DNMT3A: variants seen among roughly 807,000 people sequenced by gnomAD.
DNMT3A encodes DNA methyltransferase 3 alpha.
Under a neutral mutation model 117.6 loss-of-function variants are expected in DNMT3A, and 267 were observed. The ratio of observed to expected loss-of-function variants is 2.27; its 90% CI spans 2.05 to 2.51. The LOEUF is 2.51. DNMT3A is among the 30% of genes most tolerant of loss of function. The pLI, the probability that DNMT3A is intolerant of heterozygous loss-of-function variation, is 0.00. For synonymous variants in DNMT3A, 432 were observed against 474.8 expected (o/e 0.91, Z 1.17); for missense variants, 1,029 against 1,260.2 (o/e 0.82, Z 2.78).
Position 25,281,861 on chromosome 2 carries a change from C to T in DNMT3A, c.448+580G>A. The T allele has an allele frequency of 9.3e-7, 1 of 1,070,068 alleles. No individual in the cohort carries two copies. The highest frequency in any genetic ancestry group is 1.1e-6 in the Non-Finnish European group (1 of 882,122). The allele number at this position is 1,070,068 out of a possible 1,614,324, so 66.3% of individuals were successfully genotyped here. A position where few individuals can be genotyped will look rare whatever the true frequency, so the allele number is the denominator to read the frequency against. ...ACAGAATACAATCACCCAGCCCTCT[C>T]CCCACGCCACTGTCACAACCAAATT... On this transcript the variant is annotated intron_variant, in intron 4 of 22. Coordinates refer to ENST00000321117, the MANE Select transcript of DNMT3A (RefSeq NM_022552.5). The surrounding 1 kb of genome is among the most constrained non-coding windows in gnomAD (Gnocchi z 4.8).
intron 1 of DNMT3A, among the ~76,000 whole-genome samples, chr2:25,323,176 GC>G: frequency 1.3e-5 from 2 of 152,280 alleles, no homozygotes; most frequent in South Asian, 4.1e-4. Flanking sequence ...ATGGAAGGAT[GC>G]TAACATGGTC....
Position 25,252,124 on chromosome 2 carries a change from C to G in DNMT3A, c.640-3872G>C. On this transcript the variant is annotated intron_variant, in intron 6 of 22. Coordinates refer to ENST00000321117, the MANE Select transcript of DNMT3A (RefSeq NM_022552.5). The surrounding 1 kb of genome is among the most constrained non-coding windows in gnomAD (Gnocchi z 5.5). ...CACTCTTTTCAAACCCGGAGGGCTG[C>G]GGAGATCCTCCCACCGGCCCTGCCG... The G allele has an allele frequency of 6.5e-7, 1 of 1,530,238 alleles. No individual in the cohort carries two copies. Among genetic ancestry groups the G allele is most frequent in the African/African-American group, 1.4e-5 (1 of 71,692 alleles). 94.8% of individuals were successfully genotyped at this position (1,530,238 alleles called of 1,614,324 possible). A position where few individuals can be genotyped will look rare whatever the true frequency, so the allele number is the denominator to read the frequency against.
rs1248686989 is a variant in DNMT3A at position 25,244,345 on chromosome 2, G to A, written c.1668-7C>T. Reference sequence around the variant, plus strand: ...ACACTCCACGCAAAAGCACCTGGAAGGAGACCCAGTGAGCAGAGGAGACTC... The same window carrying A: ...ACACTCCACGCAAAAGCACCTGGAAAGAGACCCAGTGAGCAGAGGAGACTC... On this transcript the variant is annotated splice_polypyrimidine_tract_variant and splice_region_variant and intron_variant, in intron 14 of 22. Coordinates refer to ENST00000321117, the MANE Select transcript of DNMT3A (RefSeq NM_022552.5). 3.8e-6 allele frequency: 6 copies of A among 1,598,510 alleles called. No homozygotes were observed. The East Asian group carries it at 1.4e-4, about 36-fold the overall frequency.
At chr2:25,271,261 C>T (rs1452046204) in intron 6 of DNMT3A, among the ~76,000 whole-genome samples, 2 of 152,170 alleles carry the variant, frequency 1.3e-5, no homozygotes, top group African/African-American at 2.4e-5. Flanking sequence ...GCAGGAGAAT[C>T]GCCTCAACCC....
In DNMT3A at chr2:25,252,272, G is replaced by T. The variant is rs1355427359; in HGVS notation, c.640-4020C>A. 1.1e-5 allele frequency: 13 copies of T among 1,132,016 alleles called. No homozygotes were observed. Among genetic ancestry groups the T allele is most frequent in the South Asian group, 1.5e-5 (1 of 67,808 alleles). The allele number at this position is 1,132,016 out of a possible 1,614,324, so 70.1% of individuals were successfully genotyped here. On this transcript the variant is annotated intron_variant, in intron 6 of 22. Transcript: ENST00000321117. This position sits in a 1 kb window ranked among gnomAD's most constrained non-coding sequence, Gnocchi z 5.5. ...CCTGAAGCTCTGGAAGTAGCTGCCC[G>T]TCTTGGGGGAGGGGAAGGGGGCGAT...
chr2:25,319,646 C>T (rs757981602), intron 1 of DNMT3A, among the ~76,000 whole-genome samples: 1 of 152,206 alleles, frequency 6.6e-6, no homozygotes, highest in African/African-American at 2.4e-5. Flanking sequence ...GACTGGGGCA[C>T]GAGTGCCGTC....
chr2:25,300,766 T>TAA (rs2033464877), intron 2 of DNMT3A, among the ~76,000 whole-genome samples: 1 of 63,346 alleles, frequency 1.6e-5, no homozygotes, highest in South Asian at 5.2e-4. Context: ...TATATATATA[T>TAA]ATAAATAATA....
Position 25,311,152 on chromosome 2 carries a change from G to C in DNMT3A, c.72+2761C>G, listed in dbSNP as rs2034094213. The stretch of plus-strand genomic sequence containing the variant: ...GCGGGGGCGGGGAGGGGGGGCGGCG[G>C]TGGGCAGAGGCTAGAGGGCCACATG... On this transcript the variant is annotated intron_variant, in intron 2 of 22. Transcript: ENST00000321117. This position sits in a 1 kb window ranked among gnomAD's most constrained non-coding sequence, Gnocchi z 5.2. 6.6e-6 allele frequency among the ~76,000 whole-genome samples: 1 copy of C among 150,680 alleles called. No individual in the cohort carries two copies. Among genetic ancestry groups the C allele is most frequent in the African/African-American group, 2.4e-5 (1 of 40,944 alleles).
chr2:25,246,379 T>C, intron 10 of DNMT3A, 70 bp from the exon 11 acceptor site: 1 of 1,531,450 alleles, frequency 6.5e-7, no homozygotes, highest in Non-Finnish European at 8.8e-7. Flanking sequence ...TCCCCCACCC[T>C]CCTTACAGTG....
rs2031986483 is a variant in DNMT3A at position 25,282,799 on chromosome 2, G to A, written c.178-88C>T. 7.0e-7 allele frequency: 1 copy of A among 1,429,572 alleles called. No homozygotes were observed. The highest frequency in any genetic ancestry group is 9.3e-7 in the Non-Finnish European group (1 of 1,072,936). 88.6% of individuals were successfully genotyped at this position (1,429,572 alleles called of 1,614,324 possible). ...TCATTGACCGCTCTGAAATTCTAGA[G>A]AATGTTATGCACTTTCTGTCCAGAA... On this transcript the variant is annotated intron_variant, in intron 3 of 22. Coordinates refer to ENST00000321117, the MANE Select transcript of DNMT3A (RefSeq NM_022552.5). The surrounding 1 kb of genome is among the most constrained non-coding windows in gnomAD (Gnocchi z 5.2).
In DNMT3A at chr2:25,282,817, G is replaced by T. The variant is rs1443351681; in HGVS notation, c.178-106C>A. Reference sequence around the variant, plus strand: ...TTCTAGAGAATGTTATGCACTTTCTGTCCAGAAACTGTGTTCATATAAACC... The same window carrying T: ...TTCTAGAGAATGTTATGCACTTTCTTTCCAGAAACTGTGTTCATATAAACC... On this transcript the variant is annotated intron_variant, in intron 3 of 22. Transcript: ENST00000321117. This position sits in a 1 kb window ranked among gnomAD's most constrained non-coding sequence, Gnocchi z 5.2. 5.9e-6 allele frequency: 8 copies of T among 1,349,940 alleles called. No individual in the cohort carries two copies. Among genetic ancestry groups the T allele is most frequent in the Admixed American group, 2.7e-5 (1 of 36,846 alleles). The allele number at this position is 1,349,940 out of a possible 1,614,324, so 83.6% of individuals were successfully genotyped here.
At chr2:25,245,149 C>T in intron 13 of DNMT3A, 104 bp downstream of exon 13, 2 of 1,065,150 alleles carry the variant, frequency 1.9e-6, no homozygotes, top group Non-Finnish European at 2.8e-6. Flanking sequence ...ATCACACGCA[C>T]ACCGGGTGTC....
chr2:25,251,153 CG>C (rs34583441), intron 6 of DNMT3A, among the ~76,000 whole-genome samples: 22,722 of 58,458 alleles, frequency 0.39, 3,310 homozygotes, highest in East Asian at 0.55. Flanking sequence ...AAGGAAGAAG[CG>C]GGGGGGGGGG....
intron 6 of DNMT3A, among the ~76,000 whole-genome samples, chr2:25,255,767 A>G (rs1308209492): frequency 6.6e-6 from 1 of 152,214 alleles, no homozygotes; most frequent in Non-Finnish European, 1.5e-5. Context: ...TGGTAAATCT[A>G]ACATTCTGGG....
At chr2:25,326,869 A>C (rs924073204) in intron 1 of DNMT3A, among the ~76,000 whole-genome samples, 1 of 152,250 alleles carries the variant, frequency 6.6e-6, no homozygotes, top group Non-Finnish European at 1.5e-5. Flanking sequence ...CCCAACAGCC[A>C]GGAGCTTCTC....
chr2:25,252,057 G>T lies in DNMT3A; in HGVS notation c.640-3805C>A. The T allele has an allele frequency of 8.4e-7, 1 of 1,190,670 alleles. No individual in the cohort carries two copies. Among genetic ancestry groups the T allele is most frequent in the Non-Finnish European group, 1.2e-6 (1 of 864,388 alleles). The allele number at this position is 1,190,670 out of a possible 1,614,324, so 73.8% of individuals were successfully genotyped here. ...GTCAGCATCTCCAGAACTCGGGCCA[G>T]GCCGGGACGCCGCGGCTGCTGCGGG... On this transcript the variant is annotated intron_variant, in intron 6 of 22. Transcript: ENST00000321117. This position sits in a 1 kb window ranked among gnomAD's most constrained non-coding sequence, Gnocchi z 5.5.
intron 6 of DNMT3A, among the ~76,000 whole-genome samples, chr2:25,265,297 C>A (rs543562549): frequency 3.3e-5 from 5 of 152,140 alleles, no homozygotes; most frequent in Non-Finnish European, 5.9e-5. Flanking sequence ...GAAAGCCGGG[C>A]CAGCTCTCTC....
intron 6 of DNMT3A, among the ~76,000 whole-genome samples, chr2:25,268,068 C>G (rs2030523098): frequency 6.6e-6 from 1 of 152,142 alleles, no homozygotes; most frequent in Admixed American, 6.5e-5. Context: ...CATGAAGGCT[C>G]TGCTATCTGC....
chr2:25,324,066 C>T (rs891969958), intron 1 of DNMT3A, among the ~76,000 whole-genome samples: 1 of 152,176 alleles, frequency 6.6e-6, no homozygotes, highest in African/African-American at 2.4e-5. Context: ...AACAAAGTTT[C>T]CAGTCAGTCT....
Sources: gnomAD v4.1 joint callset for allele counts (sites outside exome capture counted in the v4.1 genomes callset) on GRCh38, gnomAD v4.1.1 for gene constraint, Gnocchi (gnomAD v3.1) non-coding constraint, MANE v1.5 for transcripts, NCBI Gene and HGNC (gene_info 2026-07-23, HGNC 2026-07-21) for gene names.